Variants in CFAP58 observed in about 807,000 individuals in gnomAD.
CFAP58 encodes the protein cilia- and flagella-associated protein 58.
A neutral mutation model predicts 119.5 loss-of-function variants in CFAP58; 88 were observed. The observed-to-expected ratio is 0.74, with a 90% CI of 0.62 to 0.88. The LOEUF is 0.88. CFAP58 is among the 40% of genes least tolerant of loss of function. The pLI, the probability that CFAP58 is intolerant of heterozygous loss-of-function variation, is 0.00. For synonymous variants in CFAP58, 365 were observed against 366.3 expected (o/e 1.00, Z 0.04); for missense variants, 990 against 1,021.2 (o/e 0.97, Z 0.42).
chr10:104,382,306 T>C (rs975235228), intron 9 of CFAP58: 1 of 662,448 alleles, frequency 1.5e-6, no homozygotes, highest in Non-Finnish European at 2.8e-6. Context: ...GTGGTCCTCC[T>C]TAGGGAGGGG....
At chr10:104,447,145 A>G (rs984986156) in intron 15 of CFAP58, among the ~76,000 whole-genome samples, 2 of 150,802 alleles carry the variant, frequency 1.3e-5, no homozygotes, top group African/African-American at 4.9e-5. Context: ...ATGCACCAAA[A>G]TGTCTGGCTA....
chr10:104,366,072 C>A, intron 5 of CFAP58, 64 bp downstream of exon 5: 1 of 1,350,832 alleles, frequency 7.4e-7, no homozygotes, highest in Non-Finnish European at 9.9e-7. Context: ...TTTATTCACC[C>A]TTTTGTGCAT....
At chr10:104,362,303 G>C (rs554631310) in intron 3 of CFAP58, 132 bp downstream of exon 3, 3 of 733,550 alleles carry the variant, frequency 4.1e-6, no homozygotes, top group East Asian at 5.9e-5. Context: ...TGGGTTCTTA[G>C]AGATTGTTTT....
chr10:104,393,262 T>C (rs1257456751), intron 10 of CFAP58, 67 bp from the exon 11 acceptor site: 1 of 1,425,956 alleles, frequency 7.0e-7, no homozygotes, highest in African/African-American at 1.4e-5. Context: ...CTGAAATATA[T>C]ATTGAACTTC....
intron 3 of CFAP58, among the ~76,000 whole-genome samples, chr10:104,363,282 C>T (rs1181945595): frequency 6.6e-6 from 1 of 152,178 alleles, no homozygotes; most frequent in Non-Finnish European, 1.5e-5. Context: ...GAGCCCAGCA[C>T]TGTGTGGGGC....
At chr10:104,375,756 A>G (rs1006936718) in intron 7 of CFAP58, among the ~76,000 whole-genome samples, 2 of 147,860 alleles carry the variant, frequency 1.4e-5, no homozygotes, top group African/African-American at 4.9e-5. Flanking sequence ...TGGTTCAGAA[A>G]AGCAGGACAA....
rs1359708380 is a variant in CFAP58, at chr10:104,417,590, G to A, written c.2256+10797G>A. 2.0e-5 allele frequency among the ~76,000 whole-genome samples: 3 copies of A among 152,340 alleles called. No homozygotes were observed. In the South Asian group the frequency reaches 6.2e-4, roughly 32 times the overall value. ...GTGTTTCTTTGTTGACAAGAGACAT[G>A]ACAATCCTTGGTCCTGTTTGATGGT... On this transcript the variant is annotated intron_variant, in intron 15 of 17. Coordinates refer to ENST00000369704, the MANE Select transcript of CFAP58 (RefSeq NM_001008723.2).
chr10:104,395,410 T>G (rs1289677948), intron 11 of CFAP58, among the ~76,000 whole-genome samples: 3 of 152,216 alleles, frequency 2.0e-5, no homozygotes, highest in African/African-American at 7.2e-5. Context: ...TATAGGAAGA[T>G]GATTGCTTTG....
chr10:104,365,991 C>A lies in CFAP58; in HGVS notation c.775C>A (p.Gln259Lys). 1 of 1,601,406 alleles carries A rather than the reference C, an allele frequency of 6.2e-7. No individual in the cohort carries two copies. The highest frequency in any genetic ancestry group is 2.2e-5 in the East Asian group (1 of 44,472). The change falls in exon 5 of 18, where the codon CAG becomes AAG. Residue 259 changes from glutamine (Q) to lysine (K), a missense_variant. Gln to Lys is a moderately conservative substitution (Grantham distance 53, BLOSUM62 1). Transcript: ENST00000369704. Reference sequence around the variant, plus strand: ...GGAGGAGCTTCAGAAGCTGGAGCAGCAGCTGAAGGAGCAGAAGGTGAGTTG... The same window carrying A: ...GGAGGAGCTTCAGAAGCTGGAGCAGAAGCTGAAGGAGCAGAAGGTGAGTTG... ...SKEELQKLEQQLKEQKILNER... is the reference protein window; with the variant it reads ...SKEELQKLEQKLKEQKILNER...
At chr10:104,350,062 C>T (rs2014441845), upstream of CFAP58, among the ~76,000 whole-genome samples, 1 of 152,182 alleles carries the variant, frequency 6.6e-6, no homozygotes, top group Non-Finnish European at 1.5e-5. Context: ...TTACTATATC[C>T]TGTCTCGGAC....
In CFAP58 at chr10:104,364,862, A is replaced by G. The variant is rs146524252; in HGVS notation, c.570A>G (p.Lys190=). The change falls in exon 4 of 18, where the codon AAA becomes AAG. Residue 190 remains lysine (K), a synonymous_variant. Coordinates refer to ENST00000369704, the MANE Select transcript of CFAP58 (RefSeq NM_001008723.2). ...AGCAGCAGGAAACAGAGCGATCAAA[A>G]GAGGAGGCTGAACATGCCATCAGTC... ...TEQQQETERS[K]EEAEHAISQF... is the part of the protein sequence containing the mutation. 3,274 of 1,611,372 alleles carry G rather than the reference A, an allele frequency of 2.0e-3. 6 individuals carry two copies. Among genetic ancestry groups the G allele is most frequent in the Non-Finnish European group, 2.6e-3 (3,041 of 1,178,780 alleles).
chr10:104,433,117 A>G (rs1257084457), intron 15 of CFAP58, among the ~76,000 whole-genome samples: 1 of 152,214 alleles, frequency 6.6e-6, no homozygotes, highest in East Asian at 1.9e-4. Context: ...TTTTTGAGAC[A>G]GGGTCTCGTT....
At chr10:104,444,594 CAT>C (rs2013085173) in intron 15 of CFAP58, among the ~76,000 whole-genome samples, 1 of 152,212 alleles carries the variant, frequency 6.6e-6, no homozygotes, top group African/African-American at 2.4e-5. Flanking sequence ...TCAAACATTT[CAT>C]ATTTATCTAA....
intron 9 of CFAP58, among the ~76,000 whole-genome samples, chr10:104,382,677 T>C (rs975564162): frequency 1.3e-5 from 2 of 152,330 alleles, no homozygotes; most frequent in Admixed American, 6.5e-5. Context: ...GTTCTCATGA[T>C]GGTGAGTGAG....
At position 104,358,652 on chromosome 10, in the gene CFAP58, C is replaced by T; in HGVS notation, c.291+30C>T. ...GTGATCTTCTAGAAATGGAATGAAC[C>T]TGAATTTAAAACATCATTCTCTCAT... On this transcript the variant is annotated intron_variant, in intron 2 of 17. Transcript: ENST00000369704. 1.9e-6 allele frequency: 3 copies of T among 1,587,502 alleles called. No homozygotes were observed. In the East Asian group the frequency reaches 6.7e-5, roughly 36 times the overall value.
the CFAP58 span, among the ~76,000 whole-genome samples, chr10:104,348,442 T>C: frequency 1.3e-5 from 2 of 152,244 alleles, no homozygotes; most frequent in East Asian, 3.8e-4. Flanking sequence ...GAGGCGATTC[T>C]ATCCAGGTTT....
At position 104,454,697 on chromosome 10, in the gene CFAP58, G is replaced by T; in HGVS notation, c.*167G>T. The T allele has an allele frequency of 1.7e-6, 1 of 598,530 alleles. No homozygotes were observed. Among genetic ancestry groups the T allele is most frequent in the Non-Finnish European group, 3.0e-6 (1 of 334,738 alleles). 37.1% of individuals were successfully genotyped at this position (598,530 alleles called of 1,614,324 possible). A position where few individuals can be genotyped will look rare whatever the true frequency, so the allele number is the denominator to read the frequency against. Reference sequence around the variant, plus strand: ...ATACATATAAGAGGGATGGTGTTTTGTCTGGTTCACGTTGATATTAACAGA... The same window carrying T: ...ATACATATAAGAGGGATGGTGTTTTTTCTGGTTCACGTTGATATTAACAGA... On this transcript the variant is annotated 3_prime_UTR_variant, in exon 18 of 18. Transcript: ENST00000369704.
chr10:104,364,697 G>T, intron 3 of CFAP58, 36 bp from the exon 4 acceptor site: 1 of 1,605,908 alleles, frequency 6.2e-7, no homozygotes, highest in Non-Finnish European at 8.5e-7. Context: ...TGAGCAGATG[G>T]CCATTTAGTC....
intron 15 of CFAP58, among the ~76,000 whole-genome samples, chr10:104,432,325 G>A (rs111469721): frequency 9.7e-4 from 148 of 152,274 alleles, no homozygotes; most frequent in African/African-American, 3.4e-3. Flanking sequence ...GAGATAATAA[G>A]CAAACAGTTC....
Sources: gnomAD v4.1 joint callset for allele counts (sites outside exome capture counted in the v4.1 genomes callset) on GRCh38, gnomAD v4.1.1 for gene constraint, MANE v1.5 for transcripts, NCBI Gene and HGNC (gene_info 2026-07-23, HGNC 2026-07-21) for gene names.